UTRN: variants seen among roughly 807,000 people sequenced by gnomAD.
UTRN encodes utrophin.
UTRN carries 283 observed loss-of-function variants against 463.9 expected under a neutral mutation model. The ratio of observed to expected loss-of-function variants is 0.61; its 90% confidence interval spans 0.55 to 0.67. UTRN has a LOEUF of 0.67. Ranked by LOEUF, UTRN falls within the 30% of genes least tolerant of loss-of-function variation. UTRN has a pLI of 0.00. For synonymous variants in UTRN, 1,442 were observed against 1,431.5 expected, an observed-to-expected ratio of 1.01 and a Z score of -0.17; for missense variants, 3,922 against 4,084.3, an observed-to-expected ratio of 0.96 and a Z score of 1.08.
chr6:144,840,935 AT>A, intron 73 of UTRN, 103 bp downstream of exon 73: 1 of 1,212,530 alleles, frequency 8.2e-7, no homozygotes, highest in Non-Finnish European at 1.2e-6. Flanking sequence ...CAAAAACCTT[AT>A]TACAAACAGG....
intron 50 of UTRN, 95 bp downstream of exon 50, chr6:144,557,406 CTACAAG>C: frequency 1.6e-6 from 2 of 1,284,090 alleles, no homozygotes; most frequent in African/African-American, 3.2e-5. Context: ...CATGTGGCTA[CTACAAG>C]TACATTTTAT....
intron 44 of UTRN, among the ~76,000 whole-genome samples, chr6:144,538,164 A>G (rs1797693669): frequency 6.6e-6 from 1 of 152,188 alleles, no homozygotes; most frequent in African/African-American, 2.4e-5. Flanking sequence ...TCATGGTTGT[A>G]TTAATCAGAT....
chr6:144,808,843 A>G (rs1209641678), intron 65 of UTRN, among the ~76,000 whole-genome samples: 1 of 152,074 alleles, frequency 6.6e-6, no homozygotes, highest in African/African-American at 2.4e-5. Context: ...ATTGCAAATG[A>G]CAGAATTCCC....
At position 144,840,842 on chromosome 6, in the gene UTRN, A is replaced by G. The variant is rs1562972817; in HGVS notation, c.10270+10A>G. The G allele has an allele frequency of 9.9e-6, 16 of 1,613,734 alleles. No homozygotes were observed. The highest frequency in any genetic ancestry group is 1.4e-5 in the Non-Finnish European group (16 of 1,179,894). Reference sequence around the variant, plus strand: ...TTTCCATCTTGCTGCCGTGAGTATGAAAGATTGCAGCACCACAGCTGCACG... The same window carrying G: ...TTTCCATCTTGCTGCCGTGAGTATGGAAGATTGCAGCACCACAGCTGCACG... On this transcript the variant is annotated intron_variant, in intron 73 of 74. Transcript: ENST00000367545.
chr6:144,839,161 A>G lies in UTRN; in HGVS notation c.10066-12A>G, dbSNP rs754738988. The G allele has an allele frequency of 5.6e-6, 9 of 1,604,090 alleles. No individual in the cohort carries two copies. Among genetic ancestry groups the G allele is most frequent in the Non-Finnish European group, 8.5e-7 (1 of 1,171,088 alleles). On this transcript the variant is annotated splice_polypyrimidine_tract_variant and intron_variant, in intron 71 of 74. Transcript: ENST00000367545. ...ATCCTTTCTCTGCTTTAACCTCTGA[A>G]TGTGGTTCCAGCCTGAATCTGATTC...
intron 21 of UTRN, 51 bp from the exon 22 acceptor site, chr6:144,461,146 A>T: frequency 6.8e-7 from 1 of 1,476,092 alleles, no homozygotes; most frequent in Middle Eastern, 1.9e-4. Flanking sequence ...CTATGTAATA[A>T]TATTGGTTCC....
Position 144,531,190 on chromosome 6 carries a change from G to T in UTRN, c.6045G>T (p.Arg2015Ser). ...PGGSLDLEKA[R>S]IHQQELEVGI... is the part of the protein sequence containing the mutation. Reference sequence around the variant, plus strand: ...GCAGCCTGGACTTAGAGAAAGCCAGGATACATCAGCAGGTGAGTGCTTTCT... The same window carrying T: ...GCAGCCTGGACTTAGAGAAAGCCAGTATACATCAGCAGGTGAGTGCTTTCT... The change falls in exon 42 of 75, where the codon AGG (arginine) becomes AGT (serine). Residue 2015 changes from arginine (R) to serine (S), a missense_variant. By Grantham distance (110) the Arg-to-Ser change is moderately radical (BLOSUM62 -1). Around this residue, in one of 3 missense-constraint regions of UTRN, gnomAD observed 2,349 missense variants for 2,303.8 expected, o/e 1.02. Coordinates refer to ENST00000367545, the MANE Select transcript of UTRN (RefSeq NM_007124.3). 6.2e-7 allele frequency: 1 copy of T among 1,613,794 alleles called. No homozygotes were observed. Among genetic ancestry groups the T allele is most frequent in the African/African-American group, 1.3e-5 (1 of 75,014 alleles).
At chr6:144,537,261 A>G (rs1006747818) in intron 43 of UTRN, among the ~76,000 whole-genome samples, 6 of 152,038 alleles carry the variant, frequency 3.9e-5, no homozygotes, top group Non-Finnish European at 8.8e-5. Context: ...AAAAATTTCC[A>G]TTATGTTGCG....
chr6:144,621,483 C>G (rs10080939), intron 51 of UTRN, among the ~76,000 whole-genome samples: 25,350 of 152,068 alleles, frequency 0.17, 2,354 homozygotes, highest in South Asian at 0.31. Context: ...CCCTTTCAGA[C>G]AGAATGAGTT....
intron 61 of UTRN, among the ~76,000 whole-genome samples, chr6:144,788,715 C>T (rs538421772): frequency 6.6e-6 from 1 of 152,210 alleles, no homozygotes; most frequent in South Asian, 2.1e-4. Context: ...TAGGCATGCG[C>T]CACCCGCCTG....
chr6:144,287,200 C>G (rs1803769936), intron 1 of UTRN, among the ~76,000 whole-genome samples: 1 of 152,174 alleles, frequency 6.6e-6, no homozygotes, highest in Non-Finnish European at 1.5e-5. Flanking sequence ...GGTAGTTCTG[C>G]GGTGACGGAC....
At chr6:144,346,855 C>T (rs1487292506) in intron 2 of UTRN, among the ~76,000 whole-genome samples, 1 of 146,064 alleles carries the variant, frequency 6.8e-6, no homozygotes, top group Non-Finnish European at 1.5e-5. Context: ...CTATCACTAT[C>T]TCTCTGTCTA....
chr6:144,361,584 T>A (rs1383082315), intron 2 of UTRN, among the ~76,000 whole-genome samples: 2 of 151,752 alleles, frequency 1.3e-5, no homozygotes, highest in African/African-American at 2.4e-5. Context: ...TAAAAAAAAA[T>A]TATTTATTTA....
intron 16 of UTRN, 52 bp from the exon 17 acceptor site, chr6:144,448,548 A>G (rs551914026): frequency 1.3e-6 from 2 of 1,575,802 alleles, no homozygotes; most frequent in East Asian, 2.2e-5. Context: ...TGTGAATTAC[A>G]TCTCAATGAA....
At chr6:144,333,320 G>A (rs377709980) in intron 2 of UTRN, 3 of 152,080 alleles carry the variant, frequency 2.0e-5, no homozygotes, top group Non-Finnish European at 2.9e-5. Context: ...ATTGCTCTTT[G>A]TTCTCTACTG....
intron 39 of UTRN, among the ~76,000 whole-genome samples, chr6:144,518,431 G>A (rs1795818745): frequency 6.6e-6 from 1 of 152,168 alleles, no homozygotes; most frequent in South Asian, 2.1e-4. Flanking sequence ...CAGCTATGCT[G>A]GTTTTTCTTT....
chr6:144,369,415 G>A (rs929443887), intron 2 of UTRN, among the ~76,000 whole-genome samples: 1 of 152,140 alleles, frequency 6.6e-6, no homozygotes, highest in South Asian at 2.1e-4. Flanking sequence ...TCAAGAGATC[G>A]AGACCATCCT....
chr6:144,539,829 G>A (rs1797837667), intron 45 of UTRN, among the ~76,000 whole-genome samples: 1 of 152,042 alleles, frequency 6.6e-6, no homozygotes, highest in Non-Finnish European at 1.5e-5. Flanking sequence ...AATCACATGA[G>A]TCCAGGAGTT....
At chr6:144,527,840 T>C (rs567451089) in intron 41 of UTRN, among the ~76,000 whole-genome samples, 9 of 152,176 alleles carry the variant, frequency 5.9e-5, no homozygotes, top group Non-Finnish European at 1.3e-4. Context: ...CAAAAGTTGT[T>C]TTATTTATGC....
Sources: gnomAD v4.1 joint callset for allele counts (sites outside exome capture counted in the v4.1 genomes callset) on GRCh38, gnomAD v4.1.1 for gene constraint, gnomAD v4.1.1 regional missense constraint, MANE v1.5 for transcripts, NCBI Gene and HGNC (gene_info 2026-07-23, HGNC 2026-07-21) for gene names.